The following CWC27 variants were observed in gnomAD, a reference collection of about 807,000 sequenced individuals.
The protein encoded by CWC27 is CWC27 spliceosome associated cyclophilin.
In CWC27, 47 loss-of-function variants were observed where a neutral mutation model predicts 63.6. The observed-to-expected ratio is 0.74, with a 90% confidence interval of 0.58 to 0.94. The LOEUF is 0.94. Among genes scored for constraint, CWC27 ranks in the 40% least tolerant of loss-of-function variants. The pLI, the probability that CWC27 is intolerant of heterozygous loss-of-function variation, is 0.00. For missense variants in CWC27, 495 were observed against 554.3 expected, an observed-to-expected ratio of 0.89 and a Z score of 1.07; for synonymous variants, 175 against 179.8, an observed-to-expected ratio of 0.97 and a Z score of 0.22.
intron 10 of CWC27, among the ~76,000 whole-genome samples, chr5:64,875,531 C>T (rs560611085): frequency 4.5e-4 from 69 of 152,166 alleles, no homozygotes; most frequent in African/African-American, 1.7e-3. Flanking sequence ...TTTGTTGACT[C>T]GCTTATTCCT....
At chr5:64,952,360 T>G (rs925399047) in intron 11 of CWC27, among the ~76,000 whole-genome samples, 1 of 152,032 alleles carries the variant, frequency 6.6e-6, no homozygotes, top group African/African-American at 2.4e-5. Context: ...AAAATATAAA[T>G]AGCATTCTGA....
chr5:64,820,676 G>A (rs1044578130), intron 10 of CWC27, among the ~76,000 whole-genome samples: 6 of 152,120 alleles, frequency 3.9e-5, no homozygotes, highest in Admixed American at 1.3e-4. Flanking sequence ...TAATTGGATT[G>A]AAAAATGATA....
chr5:64,988,846 C>T (rs926683125), intron 13 of CWC27, among the ~76,000 whole-genome samples: 2 of 152,124 alleles, frequency 1.3e-5, no homozygotes, highest in African/African-American at 4.8e-5. Flanking sequence ...TCAGATGATC[C>T]ACCCACCTCA....
chr5:64,861,760 C>T (rs1030070848), intron 10 of CWC27, among the ~76,000 whole-genome samples: 3 of 152,120 alleles, frequency 2.0e-5, no homozygotes, highest in African/African-American at 4.8e-5. Flanking sequence ...CAACATAATA[C>T]CAGGTCTCAA....
At chr5:65,000,108 C>T (rs974708026) in intron 13 of CWC27, among the ~76,000 whole-genome samples, 7 of 152,088 alleles carry the variant, frequency 4.6e-5, no homozygotes, top group Admixed American at 4.6e-4. Flanking sequence ...CATTTTTCTA[C>T]ATACCTGTTG....
At chr5:65,012,237 G>A (rs540662746) in intron 13 of CWC27, among the ~76,000 whole-genome samples, 1 of 152,246 alleles carries the variant, frequency 6.6e-6, no homozygotes, top group Admixed American at 6.5e-5. Flanking sequence ...TGAAAGTTTT[G>A]TTACCTCTGA....
chr5:64,803,457 T>C (rs531900472), intron 9 of CWC27, among the ~76,000 whole-genome samples: 1 of 152,212 alleles, frequency 6.6e-6, no homozygotes, highest in African/African-American at 2.4e-5. Flanking sequence ...ATAATTAAAA[T>C]ATATGGTGTA....
At chr5:64,770,114 T>A (rs1332312628) in intron 1 of CWC27, among the ~76,000 whole-genome samples, 1 of 152,252 alleles carries the variant, frequency 6.6e-6, no homozygotes, top group Non-Finnish European at 1.5e-5. Context: ...GATTGCATCA[T>A]AAATAATTTA....
At chr5:64,988,416 T>A (rs1170038104) in intron 13 of CWC27, among the ~76,000 whole-genome samples, 1 of 152,190 alleles carries the variant, frequency 6.6e-6, no homozygotes, top group Non-Finnish European at 1.5e-5. Context: ...GGGTCTTATT[T>A]AAATCCTATG....
intron 11 of CWC27, among the ~76,000 whole-genome samples, chr5:64,959,875 T>G (rs1291285242): frequency 6.6e-6 from 1 of 152,210 alleles, no homozygotes; most frequent in African/African-American, 2.4e-5. Context: ...CCACAGTTCT[T>G]GCCATGTGAG....
chr5:64,842,928 G>A (rs1238531310), intron 10 of CWC27, among the ~76,000 whole-genome samples: 2 of 152,132 alleles, frequency 1.3e-5, no homozygotes, highest in Non-Finnish European at 2.9e-5. Context: ...TGTTTCTCAA[G>A]ATTCTTTTGC....
chr5:64,895,644 T>A (rs1747354750), intron 11 of CWC27, among the ~76,000 whole-genome samples: 1 of 152,136 alleles, frequency 6.6e-6, no homozygotes, highest in Admixed American at 6.5e-5. Context: ...CAGAATGAGA[T>A]CCACAAAAAG....
At chr5:64,971,482 A>C (rs2112442164) in intron 11 of CWC27, among the ~76,000 whole-genome samples, 1 of 152,344 alleles carries the variant, frequency 6.6e-6, no homozygotes, top group African/African-American at 2.4e-5. Context: ...TGCAGTGTAT[A>C]GTAAATATAT....
intron 13 of CWC27, among the ~76,000 whole-genome samples, chr5:64,991,101 T>C (rs990702571): frequency 1.3e-5 from 2 of 152,188 alleles, no homozygotes; most frequent in African/African-American, 2.4e-5. Context: ...GAAACAGATA[T>C]TGGGCGTAAA....
chr5:64,912,554 A>G lies in CWC27; in HGVS notation c.1042+27008A>G, dbSNP rs140730490. ...ATAAAAACAAAACTTAGTGCAGTAG[A>G]AAAAAAAATGCATGTAGTGTAGGAA... On this transcript the variant is annotated intron_variant, in intron 11 of 13. Transcript: ENST00000381070. Among the ~76,000 whole-genome samples the G allele has an allele frequency of 1.8e-4, 28 of 151,372 alleles. No individual in the cohort carries two copies. In the East Asian group the frequency reaches 5.0e-3, roughly 27 times the overall value.
At chr5:64,780,167 C>T (rs959680654) in intron 2 of CWC27, among the ~76,000 whole-genome samples, 4 of 152,112 alleles carry the variant, frequency 2.6e-5, no homozygotes, top group African/African-American at 9.7e-5. Context: ...CAATATGTGA[C>T]TTTGTGTTTG....
chr5:65,006,235 T>C (rs939156313), intron 13 of CWC27, among the ~76,000 whole-genome samples: 1 of 152,212 alleles, frequency 6.6e-6, no homozygotes, highest in African/African-American at 2.4e-5. Context: ...GAACTAGGAA[T>C]CTGGCTTCAG....
At chr5:64,860,184 ACAAGTC>A (rs1746363230) in intron 10 of CWC27, among the ~76,000 whole-genome samples, 2 of 152,158 alleles carry the variant, frequency 1.3e-5, no homozygotes, top group African/African-American at 2.4e-5. Context: ...CTTAACCTTA[ACAAGTC>A]CTTACAATTT....
In CWC27 at chr5:64,951,029, C is replaced by T. The variant is rs188694152; in HGVS notation, c.1043-20674C>T. Among the ~76,000 whole-genome samples, 36 of 151,790 alleles carry T rather than the reference C, an allele frequency of 2.4e-4. No individual in the cohort carries two copies. In the East Asian group the frequency reaches 6.8e-3, roughly 28 times the overall value. Reference sequence around the variant, plus strand: ...TTATCCATCCATCAGTTGATGAATACTTATGTTACTTTTGTTTTTTTAAGT... The same window carrying T: ...TTATCCATCCATCAGTTGATGAATATTTATGTTACTTTTGTTTTTTTAAGT... On this transcript the variant is annotated intron_variant, in intron 11 of 13. Coordinates refer to ENST00000381070, the MANE Select transcript of CWC27 (RefSeq NM_005869.4).
Sources: gnomAD v4.1 joint callset for allele counts (sites outside exome capture counted in the v4.1 genomes callset) on GRCh38, gnomAD v4.1.1 for gene constraint, MANE v1.5 for transcripts, NCBI Gene and HGNC (gene_info 2026-07-23, HGNC 2026-07-21) for gene names.